Variants in DIRAS1 observed in about 807,000 individuals in gnomAD.
The protein encoded by DIRAS1 is DIRAS family GTPase 1.
A neutral mutation model predicts 11.5 loss-of-function variants in DIRAS1; 3 were observed. That is an observed-to-expected ratio of 0.26 (90% CI 0.12 to 0.67). DIRAS1 has a LOEUF of 0.67. Ranked by LOEUF, DIRAS1 falls within the 30% of genes least tolerant of loss-of-function variation. The pLI is 0.80. For missense variants in DIRAS1, 212 were observed against 285.3 expected (o/e 0.74, Z 1.85); for synonymous variants, 128 against 125.8 (o/e 1.02, Z -0.12).
At position 2,718,349 on chromosome 19, in the gene DIRAS1, G is replaced by A. The variant is rs992647590; in HGVS notation, c.-69-474C>T. Among the ~76,000 whole-genome samples, 11 of 152,236 alleles carry A rather than the reference G, an allele frequency of 7.2e-5. No homozygotes were observed. The highest frequency in any genetic ancestry group is 1.3e-4 in the Admixed American group (2 of 15,300). On this transcript the variant is annotated intron_variant, in intron 1 of 1. Transcript: ENST00000323469. This position sits in a 1 kb window ranked among gnomAD's most constrained non-coding sequence, Gnocchi z 4.2. Reference sequence around the variant, plus strand: ...CTGTTTGGTGGCTCAAACGGTGCCCGTCTCCAACAACCATGGGTCCCCTGC... The same window carrying A: ...CTGTTTGGTGGCTCAAACGGTGCCCATCTCCAACAACCATGGGTCCCCTGC...
Position 2,715,369 on chromosome 19 carries a change from A to C in DIRAS1, c.*1841T>G, listed in dbSNP as rs73920500. On this transcript the variant is annotated 3_prime_UTR_variant, in exon 2 of 2. Coordinates refer to ENST00000323469, the MANE Select transcript of DIRAS1 (RefSeq NM_145173.4). The stretch of plus-strand genomic sequence containing the variant: ...ACCTTCCCTCACTAACTTAGCTGCC[A>C]TGCTCCGAGCCCCGCTGTGGAGAGA... 1 of 152,168 alleles carries C rather than the reference A, an allele frequency of 6.6e-6. No homozygotes were observed. The highest frequency in any genetic ancestry group is 1.5e-5 in the Non-Finnish European group (1 of 68,094). 9.4% of individuals were successfully genotyped at this position (152,168 alleles called of 1,614,324 possible). A position where few individuals can be genotyped will look rare whatever the true frequency, so the allele number is the denominator to read the frequency against.
Position 2,718,556 on chromosome 19 carries a change from G to C in DIRAS1, c.-69-681C>G, listed in dbSNP as rs1443229285. Among the ~76,000 whole-genome samples, 1 of 151,984 alleles carries C rather than the reference G, an allele frequency of 6.6e-6. No homozygotes were observed. Among genetic ancestry groups the C allele is most frequent in the Non-Finnish European group, 1.5e-5 (1 of 68,000 alleles). ...TTTATTTATTTTTAGACAGAGTTTCGCTCTTGCTGCCCAGGCTGGAGTGCA... is the reference window on the plus strand; with the variant it reads ...TTTATTTATTTTTAGACAGAGTTTCCCTCTTGCTGCCCAGGCTGGAGTGCA... On this transcript the variant is annotated intron_variant, in intron 1 of 1. Coordinates refer to ENST00000323469, the MANE Select transcript of DIRAS1 (RefSeq NM_145173.4). The surrounding 1 kb of genome is among the most constrained non-coding windows in gnomAD (Gnocchi z 4.2).
At position 2,719,400 on chromosome 19, in the gene DIRAS1, G is replaced by T. The variant is rs191643984; in HGVS notation, c.-69-1525C>A. Among the ~76,000 whole-genome samples the T allele has an allele frequency of 7.0e-4, 107 of 151,852 alleles. 1 individual carries two copies. The highest frequency in any genetic ancestry group is 1.2e-3 in the Non-Finnish European group (84 of 67,982). On this transcript the variant is annotated intron_variant, in intron 1 of 1. Coordinates refer to ENST00000323469, the MANE Select transcript of DIRAS1 (RefSeq NM_145173.4). ...CTTAGAATAGCACTTCCTGGGAGGG[G>T]CACCTCTTAGCCCCTCTCTTCCTTC...
chr19:2,719,872 A>T (rs924816693), intron 1 of DIRAS1, among the ~76,000 whole-genome samples: 2 of 152,222 alleles, frequency 1.3e-5, no homozygotes, highest in Non-Finnish European at 2.9e-5. Context: ...TTGTGATCAC[A>T]GTCACAAGGG....
Position 2,717,357 on chromosome 19 carries a change from C to A in DIRAS1, c.450G>T (p.Ser150=). The change falls in exon 2 of 2, where the codon TCG becomes TCT. Residue 150 remains serine, a synonymous_variant. Transcript: ENST00000323469. ...CCTTGACGTTGTAGTTCATCTTGGC[C>A]GAGGTCTCCATGAAAGCGCACTTCC... ...QEWKCAFMET[S]AKMNYNVKEL... is the part of the protein sequence containing the mutation. 6.2e-7 allele frequency: 1 copy of A among 1,610,342 alleles called. No homozygotes were observed. The highest frequency in any genetic ancestry group is 1.1e-5 in the South Asian group (1 of 91,088).
At chr19:2,720,565 G>C (rs1913929372) in intron 1 of DIRAS1, among the ~76,000 whole-genome samples, 1 of 152,230 alleles carries the variant, frequency 6.6e-6, no homozygotes, top group Non-Finnish European at 1.5e-5. Flanking sequence ...TTTCCCGCCT[G>C]TGCGGGGCAG....
At chr19:2,720,775 G>A (rs1913935232) in intron 1 of DIRAS1, among the ~76,000 whole-genome samples, 2 of 152,098 alleles carry the variant, frequency 1.3e-5, no homozygotes, top group African/African-American at 4.8e-5. Flanking sequence ...TCTGACCCAG[G>A]GCCGCCTGGC....
In DIRAS1 at chr19:2,716,162, A is replaced by T. The variant is rs1458346306; in HGVS notation, c.*1048T>A. On this transcript the variant is annotated 3_prime_UTR_variant, in exon 2 of 2. Transcript: ENST00000323469. ...AGTGTGGTGTCACTCAGACTCTCTC[A>T]AAAAACACCCAGAACCTCATGGCTG... 1 of 152,244 alleles carries T rather than the reference A, an allele frequency of 6.6e-6. No homozygotes were observed. Among genetic ancestry groups the T allele is most frequent in the Admixed American group, 6.5e-5 (1 of 15,276 alleles). The allele number at this position is 152,244 out of a possible 1,614,324, so 9.4% of individuals were successfully genotyped here. A position where few individuals can be genotyped will look rare whatever the true frequency, so the allele number is the denominator to read the frequency against.
rs1459495634 is a variant in DIRAS1, at chr19:2,717,831, G to T, written c.-25C>A. 7 of 1,561,388 alleles carry T rather than the reference G, an allele frequency of 4.5e-6. No homozygotes were observed. Among genetic ancestry groups the T allele is most frequent in the Non-Finnish European group, 5.2e-6 (6 of 1,158,072 alleles). ...TCTTCCCCGCGGCGGGTGGGCGGCC[G>T]GGGCCGGGAGGGCTGGTGCCAGCTG... On this transcript the variant is annotated 5_prime_UTR_variant, in exon 2 of 2. Coordinates refer to ENST00000323469, the MANE Select transcript of DIRAS1 (RefSeq NM_145173.4).
In DIRAS1 at chr19:2,719,878, A is replaced by G. The variant is rs1216342815; in HGVS notation, c.-70+1426T>C. ...CGATCACAATTGTGATCACAGTCACAAGGGCTTGGGGCCGGTGGGCAGGGC... is the reference window on the plus strand; with the variant it reads ...CGATCACAATTGTGATCACAGTCACGAGGGCTTGGGGCCGGTGGGCAGGGC... On this transcript the variant is annotated intron_variant, in intron 1 of 1. Transcript: ENST00000323469. Among the ~76,000 whole-genome samples, 4 of 152,282 alleles carry G rather than the reference A, an allele frequency of 2.6e-5. No individual in the cohort carries two copies. In the East Asian group the frequency reaches 7.7e-4, roughly 29 times the overall value.
At chr19:2,719,427 T>G (rs148490540) in intron 1 of DIRAS1, among the ~76,000 whole-genome samples, 247 of 138,134 alleles carry the variant, frequency 1.8e-3, no homozygotes, top group African/African-American at 6.3e-3. Flanking sequence ...TCTTCCTTCT[T>G]GGGCTCAGAG....
In DIRAS1 at chr19:2,716,300, C is replaced by G. The variant is rs1913790948; in HGVS notation, c.*910G>C. 6.6e-6 allele frequency: 1 copy of G among 152,368 alleles called. No homozygotes were observed. Among genetic ancestry groups the G allele is most frequent in the South Asian group, 2.1e-4 (1 of 4,836 alleles). The allele number at this position is 152,368 out of a possible 1,614,324, so 9.4% of individuals were successfully genotyped here. A position where few individuals can be genotyped will look rare whatever the true frequency, so the allele number is the denominator to read the frequency against. ...ACCTCTGTCCGGGGCGCCCTCGGAT[C>G]CTGCTGGTGCTGGCTCCCATCGGCT... On this transcript the variant is annotated 3_prime_UTR_variant, in exon 2 of 2. Transcript: ENST00000323469.
rs866529664 is a variant in DIRAS1, at chr19:2,716,335, C to T, written c.*875G>A. Reference sequence around the variant, plus strand: ...CTGGCTCCCATCGGCTGTCCCCCCACGGGGGTGTAATTGATGTATCTCTGG... The same window carrying T: ...CTGGCTCCCATCGGCTGTCCCCCCATGGGGGTGTAATTGATGTATCTCTGG... On this transcript the variant is annotated 3_prime_UTR_variant, in exon 2 of 2. Transcript: ENST00000323469. The T allele has an allele frequency of 2.6e-5, 4 of 152,374 alleles. No individual in the cohort carries two copies. The highest frequency in any genetic ancestry group is 2.9e-5 in the Non-Finnish European group (2 of 68,160). 9.4% of individuals were successfully genotyped at this position (152,374 alleles called of 1,614,324 possible). A position where few individuals can be genotyped will look rare whatever the true frequency, so the allele number is the denominator to read the frequency against.
Position 2,716,859 on chromosome 19 carries a change from T to A in DIRAS1, c.*351A>T, listed in dbSNP as rs539361352. The A allele has an allele frequency of 1.1e-5, 3 of 269,824 alleles. No homozygotes were observed. Among genetic ancestry groups the A allele is most frequent in the African/African-American group, 6.6e-5 (3 of 45,630 alleles). The allele number at this position is 269,824 out of a possible 1,614,324, so 16.7% of individuals were successfully genotyped here. On this transcript the variant is annotated 3_prime_UTR_variant, in exon 2 of 2. Coordinates refer to ENST00000323469, the MANE Select transcript of DIRAS1 (RefSeq NM_145173.4). ...GCTGGGGACACCCCAGGGAAAGAGATGGAAACGGGGAAACGCAGCCTCCTC... is the reference window on the plus strand; with the variant it reads ...GCTGGGGACACCCCAGGGAAAGAGAAGGAAACGGGGAAACGCAGCCTCCTC...
chr19:2,715,048 T>G lies in DIRAS1; in HGVS notation c.*2162A>C, dbSNP rs978869631. On this transcript the variant is annotated 3_prime_UTR_variant, in exon 2 of 2. Coordinates refer to ENST00000323469, the MANE Select transcript of DIRAS1 (RefSeq NM_145173.4). Reference sequence around the variant, plus strand: ...CTCTGCTCAGACACAATGCCAGCTCTTCTGGGAGCCCGGTCCACGTGCTGG... The same window carrying G: ...CTCTGCTCAGACACAATGCCAGCTCGTCTGGGAGCCCGGTCCACGTGCTGG... The G allele has an allele frequency of 1.3e-5, 2 of 152,530 alleles. No individual in the cohort carries two copies. Among genetic ancestry groups the G allele is most frequent in the African/African-American group, 4.8e-5 (2 of 41,578 alleles). The allele number at this position is 152,530 out of a possible 1,614,324, so 9.4% of individuals were successfully genotyped here.
chr19:2,719,653 T>A (rs1772335546), intron 1 of DIRAS1, among the ~76,000 whole-genome samples: 1 of 147,562 alleles, frequency 6.8e-6, no homozygotes, highest in African/African-American at 2.5e-5. Flanking sequence ...AACCAGTTTC[T>A]ACCTGCTGCA....
In DIRAS1 at chr19:2,716,923, C is replaced by T; in HGVS notation, c.*287G>A. 1 of 413,890 alleles carries T rather than the reference C, an allele frequency of 2.4e-6. No homozygotes were observed. The highest frequency in any genetic ancestry group is 4.0e-5 in the Admixed American group (1 of 24,942). 25.6% of individuals were successfully genotyped at this position (413,890 alleles called of 1,614,324 possible). On this transcript the variant is annotated 3_prime_UTR_variant, in exon 2 of 2. Transcript: ENST00000323469. ...AACAAGCAGCTCCTCTTGCCAGCTC[C>T]CCATCCTGTTTTCCCATCTGCAGGA...
In DIRAS1 at chr19:2,718,034, G is replaced by C. The variant is rs1231691435; in HGVS notation, c.-69-159C>G. The stretch of plus-strand genomic sequence containing the variant: ...CCATTTGCTTGTGGCTGACTTTGCA[G>C]TTCTGTCCCACAGGCGGGCGCACAG... On this transcript the variant is annotated intron_variant, in intron 1 of 1. Transcript: ENST00000323469. The surrounding 1 kb of genome is among the most constrained non-coding windows in gnomAD (Gnocchi z 4.2). 5.1e-6 allele frequency: 3 copies of C among 583,016 alleles called. No individual in the cohort carries two copies. The highest frequency in any genetic ancestry group is 2.8e-5 in the East Asian group (1 of 35,732). 36.1% of individuals were successfully genotyped at this position (583,016 alleles called of 1,614,324 possible). A position where few individuals can be genotyped will look rare whatever the true frequency, so the allele number is the denominator to read the frequency against.
chr19:2,716,328 C>T lies in DIRAS1; in HGVS notation c.*882G>A, dbSNP rs1397956474. The T allele has an allele frequency of 6.6e-6, 1 of 152,362 alleles. No individual in the cohort carries two copies. The highest frequency in any genetic ancestry group is 2.1e-4 in the South Asian group (1 of 4,834). 9.4% of individuals were successfully genotyped at this position (152,362 alleles called of 1,614,324 possible). ...GCTGGTGCTGGCTCCCATCGGCTGT[C>T]CCCCCACGGGGGTGTAATTGATGTA... On this transcript the variant is annotated 3_prime_UTR_variant, in exon 2 of 2. Transcript: ENST00000323469.
Sources: gnomAD v4.1 joint callset for allele counts (sites outside exome capture counted in the v4.1 genomes callset) on GRCh38, gnomAD v4.1.1 for gene constraint, Gnocchi (gnomAD v3.1) non-coding constraint, MANE v1.5 for transcripts, NCBI Gene and HGNC (gene_info 2026-07-23, HGNC 2026-07-21) for gene names.